The following PALLD variants were observed in gnomAD, a reference collection of about 807,000 sequenced individuals.
PALLD encodes the protein palladin, cytoskeletal associated protein.
A neutral mutation model predicts 123.5 loss-of-function variants in PALLD; 61 were observed. The ratio of observed to expected loss-of-function variants is 0.49; its 90% CI spans 0.40 to 0.61. PALLD has a LOEUF of 0.61. Among genes scored for constraint, PALLD ranks in the 20% least tolerant of loss-of-function variants. The pLI is 0.00. For missense variants in PALLD, 1,273 were observed against 1,377.0 expected (o/e 0.92, Z 1.20); for synonymous variants, 465 against 496.4 (o/e 0.94, Z 0.84).
chr4:168,713,942 GTTTTTTTTTT>G (rs34942776), intron 10 of PALLD, among the ~76,000 whole-genome samples: 23 of 54,700 alleles, frequency 4.2e-4, no homozygotes, highest in African/African-American at 1.2e-3. Context: ...TTTTCCCATT[GTTTTTTTTTT>G]TTTTTTTTTT....
intron 10 of PALLD, among the ~76,000 whole-genome samples, chr4:168,755,211 C>T (rs191986545): frequency 7.4e-4 from 94 of 126,554 alleles, no homozygotes; most frequent in East Asian, 1.9e-3. Context: ...CCAGCCTGGG[C>T]GAGAGAGCAA....
At chr4:168,503,489 A>C (rs1021228927) in intron 1 of PALLD, among the ~76,000 whole-genome samples, 1 of 152,070 alleles carries the variant, frequency 6.6e-6, no homozygotes, top group African/African-American at 2.4e-5. Context: ...TCTACTAAAA[A>C]TACAAAAATT....
intron 17 of PALLD, among the ~76,000 whole-genome samples, chr4:168,919,975 G>T (rs1761104187): frequency 6.6e-6 from 1 of 151,806 alleles, no homozygotes; most frequent in Non-Finnish European, 1.5e-5. Context: ...TGGTTTGAGA[G>T]TACGCGTGCT....
chr4:168,604,631 A>G (rs1045712647), intron 2 of PALLD, among the ~76,000 whole-genome samples: 1 of 152,242 alleles, frequency 6.6e-6, no homozygotes, highest in African/African-American at 2.4e-5. Flanking sequence ...ATGAATATTA[A>G]TAGTGCATGG....
chr4:168,681,750 G>A (rs1014079041), intron 4 of PALLD, among the ~76,000 whole-genome samples: 4 of 151,794 alleles, frequency 2.6e-5, no homozygotes, highest in African/African-American at 9.7e-5. Flanking sequence ...GTCTCACTGT[G>A]TTGTCCAGGC....
intron 1 of PALLD, among the ~76,000 whole-genome samples, chr4:168,510,852 A>G (rs1762466452): frequency 1.3e-5 from 2 of 152,180 alleles, no homozygotes; most frequent in South Asian, 4.1e-4. Flanking sequence ...TTTCCAGAAA[A>G]GTTTGCCCAT....
chr4:168,749,724 A>T (rs1199748009), intron 10 of PALLD, among the ~76,000 whole-genome samples: 1 of 152,110 alleles, frequency 6.6e-6, no homozygotes, highest in South Asian at 2.1e-4. Context: ...AATAATGATA[A>T]TTTCAACCTT....
At chr4:168,599,996 C>CATACATGTGTAT (rs1561290631) in intron 2 of PALLD, among the ~76,000 whole-genome samples, 19 of 145,738 alleles carry the variant, frequency 1.3e-4, no homozygotes, top group Non-Finnish European at 2.8e-4. Context: ...CATGTGTATA[C>CATACATGTGTAT]ACACACGTAT....
chr4:168,662,790 T>A (rs1183196167), intron 2 of PALLD, among the ~76,000 whole-genome samples: 1 of 152,228 alleles, frequency 6.6e-6, no homozygotes, highest in Admixed American at 6.5e-5. Context: ...TTTGAGAAAC[T>A]GAACTAAACA....
intron 10 of PALLD, among the ~76,000 whole-genome samples, chr4:168,880,304 C>CT (rs1326441885): frequency 6.6e-6 from 1 of 152,180 alleles, no homozygotes; most frequent in African/African-American, 2.4e-5. Context: ...CCTGCCATTT[C>CT]TTAAAAATTA....
chr4:168,754,438 G>C (rs749309341), intron 10 of PALLD, among the ~76,000 whole-genome samples: 1 of 152,182 alleles, frequency 6.6e-6, no homozygotes, highest in Non-Finnish European at 1.5e-5. Context: ...GTGCTATACA[G>C]TAAAATTGCT....
intron 2 of PALLD, among the ~76,000 whole-genome samples, chr4:168,634,412 A>G (rs1202393067): frequency 1.3e-5 from 2 of 152,156 alleles, no homozygotes; most frequent in African/African-American, 2.4e-5. Flanking sequence ...TGCCTGTGGT[A>G]TTTGTGAATG....
At chr4:168,919,213 C>A (rs1054570349) in intron 17 of PALLD, among the ~76,000 whole-genome samples, 2 of 152,108 alleles carry the variant, frequency 1.3e-5, no homozygotes, top group African/African-American at 4.8e-5. Context: ...CTATGATGAT[C>A]TGACCTGGAT....
chr4:168,565,982 A>T (rs567438311), intron 2 of PALLD, among the ~76,000 whole-genome samples: 4 of 152,026 alleles, frequency 2.6e-5, no homozygotes, highest in Non-Finnish European at 5.9e-5. Flanking sequence ...TCTTCCTTAA[A>T]ATACTCTTAG....
Position 168,924,113 on chromosome 4 carries a change from G to A in PALLD, c.3059-142G>A, listed in dbSNP as rs543836806. On this transcript the variant is annotated intron_variant, in intron 18 of 21. Coordinates refer to ENST00000505667, the MANE Select transcript of PALLD (RefSeq NM_001166108.2). The stretch of plus-strand genomic sequence containing the variant: ...TTGCTTGGTAAAAGAATAATTTGGA[G>A]AGGGGACTAGCATCTTACCACCTGG... The A allele has an allele frequency of 1.3e-5, 9 of 691,558 alleles. No individual in the cohort carries two copies. In the South Asian group the frequency reaches 1.4e-4, roughly 11 times the overall value. 42.8% of individuals were successfully genotyped at this position (691,558 alleles called of 1,614,324 possible).
intron 21 of PALLD, among the ~76,000 whole-genome samples, chr4:168,925,705 TAAGAA>T (rs1762452544): frequency 1.3e-5 from 2 of 152,100 alleles, no homozygotes; most frequent in Non-Finnish European, 2.9e-5. Flanking sequence ...AGAAAAAAAT[TAAGAA>T]TTTATTTAAG....
At chr4:168,608,870 T>G (rs1239973173) in intron 2 of PALLD, among the ~76,000 whole-genome samples, 2 of 148,138 alleles carry the variant, frequency 1.4e-5, no homozygotes, top group Non-Finnish European at 3.0e-5. Context: ...TTTTTTTGCC[T>G]TACCAAGTTT....
In PALLD at chr4:168,511,853, GT is replaced by G. The variant is rs777090576; in HGVS notation, c.352del (p.Ser118GlnfsTer35). The G allele has an allele frequency of 2.5e-6, 4 of 1,613,950 alleles. No homozygotes were observed. The highest frequency in any genetic ancestry group is 3.4e-6 in the Non-Finnish European group (4 of 1,179,982). ...ACAAACTAAGAGTATCTCTTCACCT[GT>G]TTCAAAGAGGAAACCTGCCATGTCA... ...EKQTKSISSP[V>X]SKRKPAMSPL... is the part of the protein sequence containing the mutation. On this transcript the variant is annotated frameshift_variant, in exon 2 of 22. Transcript: ENST00000505667. LOFTEE classifies it high-confidence loss of function.
At chr4:168,740,057 T>C (rs1185403027) in intron 10 of PALLD, among the ~76,000 whole-genome samples, 1 of 152,122 alleles carries the variant, frequency 6.6e-6, no homozygotes, top group African/African-American at 2.4e-5. Context: ...CCCATGTTAG[T>C]TGAAACTGGA....
Sources: allele counts gnomAD v4.1 joint callset (sites outside exome capture counted in the v4.1 genomes callset), GRCh38; gene constraint gnomAD v4.1.1; transcripts MANE v1.5; gene names NCBI Gene and HGNC (gene_info 2026-07-23, HGNC 2026-07-21).